Variants in FAM135B observed in about 807,000 individuals in gnomAD.
FAM135B encodes the protein family with sequence similarity 135 member B.
FAM135B carries 43 observed loss-of-function variants against 127.7 expected under a neutral mutation model. That is an observed-to-expected ratio of 0.34 (90% CI 0.26 to 0.43). The LOEUF (loss-of-function observed/expected upper bound fraction) is 0.43, where lower values mean the gene tolerates loss of function less well. Ranked by LOEUF, FAM135B falls within the 20% of genes least tolerant of loss-of-function variation. The pLI is 1.00. For missense variants in FAM135B, 1,558 were observed against 1,725.6 expected, an observed-to-expected ratio of 0.90 and a Z score of 1.72; for synonymous variants, 670 against 665.1, an observed-to-expected ratio of 1.01 and a Z score of -0.11.
At chr8:138,458,021 C>T (rs1309510876) in intron 1 of FAM135B, among the ~76,000 whole-genome samples, 5 of 150,936 alleles carry the variant, frequency 3.3e-5, no homozygotes, top group South Asian at 2.1e-4. Flanking sequence ...CTGGATGTGG[C>T]ACACGCCTAT....
intron 2 of FAM135B, among the ~76,000 whole-genome samples, chr8:138,340,496 G>A (rs759697105): frequency 5.9e-5 from 9 of 152,104 alleles, no homozygotes; most frequent in Non-Finnish European, 1.0e-4. Context: ...TGACATAGAC[G>A]GAGAGAGGAT....
chr8:138,489,522 C>A (rs1187351823), intron 1 of FAM135B, among the ~76,000 whole-genome samples: 1 of 152,140 alleles, frequency 6.6e-6, no homozygotes, highest in Non-Finnish European at 1.5e-5. Flanking sequence ...CCAATGCATT[C>A]TTTATATTGC....
chr8:138,389,652 G>A (rs1389274092), intron 1 of FAM135B, among the ~76,000 whole-genome samples: 2 of 152,190 alleles, frequency 1.3e-5, no homozygotes, highest in African/African-American at 2.4e-5. Context: ...ACAGGGGCTA[G>A]GGGAAAAGGG....
chr8:138,463,583 C>G (rs1255128692), intron 1 of FAM135B, among the ~76,000 whole-genome samples: 1 of 152,094 alleles, frequency 6.6e-6, no homozygotes, highest in African/African-American at 2.4e-5. Flanking sequence ...GACACCATGG[C>G]ATAATTTCTG....
chr8:138,257,485 C>A (rs867713712), intron 4 of FAM135B, among the ~76,000 whole-genome samples: 2 of 152,108 alleles, frequency 1.3e-5, no homozygotes, highest in Middle Eastern at 3.4e-3. Context: ...GAAGATGGTA[C>A]CCCTAGTTCT....
At chr8:138,435,414 C>T (rs1286206725) in intron 1 of FAM135B, among the ~76,000 whole-genome samples, 1 of 152,168 alleles carries the variant, frequency 6.6e-6, no homozygotes, top group Non-Finnish European at 1.5e-5. Flanking sequence ...GAGTGTTATC[C>T]TCAGGTTACT....
Position 138,141,404 on chromosome 8 carries a change from A to G in FAM135B, c.3639-55T>C. 6.3e-7 allele frequency: 1 copy of G among 1,576,076 alleles called. No homozygotes were observed. The highest frequency in any genetic ancestry group is 8.7e-7 in the Non-Finnish European group (1 of 1,147,856). On this transcript the variant is annotated intron_variant, in intron 16 of 19. Transcript: ENST00000395297. This position sits in a 1 kb window ranked among gnomAD's most constrained non-coding sequence, Gnocchi z 4.7. Reference sequence around the variant, plus strand: ...GTGTGACGGTGAATGCTGCTGCCCAAGAGTGCAGTGCTGGAAGCATCAGGG... The same window carrying G: ...GTGTGACGGTGAATGCTGCTGCCCAGGAGTGCAGTGCTGGAAGCATCAGGG...
intron 3 of FAM135B, among the ~76,000 whole-genome samples, chr8:138,271,220 C>A (rs1425468210): frequency 1.3e-5 from 2 of 152,262 alleles, no homozygotes; most frequent in African/African-American, 4.8e-5. Flanking sequence ...ATTTTTGAAG[C>A]ATATCAAATT....
At chr8:138,432,787 C>A (rs1029473822) in intron 1 of FAM135B, among the ~76,000 whole-genome samples, 1 of 152,094 alleles carries the variant, frequency 6.6e-6, no homozygotes, top group Non-Finnish European at 1.5e-5. Context: ...AGAGTGAACA[C>A]ACAGTACATT....
chr8:138,345,293 G>A (rs1480121412), intron 2 of FAM135B, among the ~76,000 whole-genome samples: 1 of 152,158 alleles, frequency 6.6e-6, no homozygotes, highest in Non-Finnish European at 1.5e-5. Context: ...GAGAGCATGG[G>A]GGAGGCTCCT....
At chr8:138,432,988 G>C (rs1835278832) in intron 1 of FAM135B, among the ~76,000 whole-genome samples, 1 of 152,102 alleles carries the variant, frequency 6.6e-6, no homozygotes, top group Admixed American at 6.5e-5. Flanking sequence ...CCAGAGGACT[G>C]ACGGGGAAAA....
At chr8:138,416,468 T>C (rs1834161043) in intron 1 of FAM135B, among the ~76,000 whole-genome samples, 2 of 152,204 alleles carry the variant, frequency 1.3e-5, no homozygotes, top group African/African-American at 4.8e-5. Context: ...TGCATAATCA[T>C]ATTTTAATGC....
chr8:138,334,608 C>A (rs982344806), intron 2 of FAM135B, among the ~76,000 whole-genome samples: 2 of 152,132 alleles, frequency 1.3e-5, no homozygotes, highest in Non-Finnish European at 2.9e-5. Flanking sequence ...ATATTCTCAT[C>A]ATCTAACTTC....
chr8:138,137,393 C>A, intron 18 of FAM135B, 133 bp from the exon 19 acceptor site: 1 of 652,948 alleles, frequency 1.5e-6, no homozygotes. Flanking sequence ...CTAGTGTCAT[C>A]ACACAAGGAC....
chr8:138,197,260 A>C (rs987943990), intron 8 of FAM135B, among the ~76,000 whole-genome samples: 1 of 152,190 alleles, frequency 6.6e-6, no homozygotes, highest in Admixed American at 6.5e-5. Context: ...GCAGGTGTGT[A>C]ATAGGTACTC....
At chr8:138,483,171 T>C (rs952713846) in intron 1 of FAM135B, among the ~76,000 whole-genome samples, 3 of 152,242 alleles carry the variant, frequency 2.0e-5, no homozygotes, top group Admixed American at 6.5e-5. Flanking sequence ...TTCTTGAGTC[T>C]TGCTATGGGT....
At chr8:138,424,787 G>C (rs1834747306) in intron 1 of FAM135B, among the ~76,000 whole-genome samples, 1 of 152,076 alleles carries the variant, frequency 6.6e-6, no homozygotes, top group Non-Finnish European at 1.5e-5. Flanking sequence ...ATAAACTGAT[G>C]GGTAAAATAA....
At chr8:138,476,613 A>G (rs1330577078) in intron 1 of FAM135B, among the ~76,000 whole-genome samples, 3 of 152,174 alleles carry the variant, frequency 2.0e-5, no homozygotes, top group Admixed American at 6.5e-5. Flanking sequence ...TATTGAATCA[A>G]TCTCCTGCAG....
At chr8:138,480,860 A>G (rs1814745767) in intron 1 of FAM135B, among the ~76,000 whole-genome samples, 1 of 152,112 alleles carries the variant, frequency 6.6e-6, no homozygotes, top group African/African-American at 2.4e-5. Flanking sequence ...CATCTTTGTG[A>G]CTCTTGGCAG....
Sources: allele counts gnomAD v4.1 joint callset (sites outside exome capture counted in the v4.1 genomes callset), GRCh38; gene constraint gnomAD v4.1.1; non-coding constraint Gnocchi (gnomAD v3.1); transcripts MANE v1.5; gene names NCBI Gene and HGNC (gene_info 2026-07-23, HGNC 2026-07-21).